Variants in UBE2V1 observed in about 807,000 individuals in gnomAD.
The protein encoded by UBE2V1 is ubiquitin-conjugating enzyme E2 variant 1.
In UBE2V1, 15 loss-of-function variants were observed where a neutral mutation model predicts 19.6. That is an observed-to-expected ratio of 0.77 (90% CI 0.51 to 1.18). The LOEUF is 1.18. Among genes scored for constraint, UBE2V1 ranks in the 50% most tolerant of loss-of-function variants. UBE2V1 has a pLI of 0.00. For synonymous variants in UBE2V1, 60 were observed against 60.7 expected (o/e 0.99, Z 0.05); for missense variants, 125 against 184.8 (o/e 0.68, Z 1.88).
chr20:50,104,851 C>A (rs1386845363), intron 1 of UBE2V1, among the ~76,000 whole-genome samples: 2 of 151,692 alleles, frequency 1.3e-5, no homozygotes, highest in African/African-American at 4.8e-5. Flanking sequence ...CTCAGCCTCC[C>A]GAGTGGCTGG....
At chr20:50,086,806 G>A (rs1250290630) in intron 2 of UBE2V1, among the ~76,000 whole-genome samples, 1 of 152,206 alleles carries the variant, frequency 6.6e-6, no homozygotes, top group Non-Finnish European at 1.5e-5. Context: ...GGCCGGGTGA[G>A]CTGGCTCACG....
chr20:50,107,639 G>A (rs551075757), intron 1 of UBE2V1, among the ~76,000 whole-genome samples: 155 of 152,120 alleles, frequency 1.0e-3, no homozygotes, highest in Non-Finnish European at 1.9e-3. Flanking sequence ...CTGCCCTATC[G>A]GATACATTGT....
At chr20:50,096,551 A>T in intron 2 of UBE2V1, 121 bp downstream of exon 2, 2 of 1,598,918 alleles carry the variant, frequency 1.3e-6, no homozygotes, top group Non-Finnish European at 1.7e-6. Flanking sequence ...AAAAAAGAAT[A>T]GCCACATTTC....
chr20:50,093,027 T>C (rs1223142738), intron 2 of UBE2V1, among the ~76,000 whole-genome samples: 2 of 152,256 alleles, frequency 1.3e-5, no homozygotes, highest in African/African-American at 2.4e-5. Flanking sequence ...TCTCCTGTTT[T>C]ATAATTTACT....
upstream of UBE2V1, among the ~76,000 whole-genome samples, chr20:50,114,243 C>T (rs1459766807): frequency 3.9e-5 from 6 of 152,268 alleles, no homozygotes; most frequent in East Asian, 1.2e-3. Flanking sequence ...GGCAGAAGGA[C>T]CAGGACTCTA....
Position 50,091,409 on chromosome 20 carries a change from G to GTTT in UBE2V1, c.171+5262_171+5263insAAA, listed in dbSNP as rs1568981475. On this transcript the variant is annotated intron_variant, in intron 2 of 3. Transcript: ENST00000371674. ...TCATTAATCAGTCATATAACTTAAGGCTTTTTTTTTTTTTTTTTTGAGATG... is the reference window on the plus strand; with the variant it reads ...TCATTAATCAGTCATATAACTTAAGGTTTCTTTTTTTTTTTTTTTTTTGAGATG... 9.8e-3 allele frequency among the ~76,000 whole-genome samples: 1,255 copies of GTTT among 128,190 alleles called. 30 individuals are homozygous for GTTT. The highest frequency in any genetic ancestry group is 0.04 in the African/African-American group (1,199 of 29,812). The allele number at this position is 128,190 out of a possible 152,430, so 84.1% of individuals were successfully genotyped here.
chr20:50,115,602 G>C, upstream of UBE2V1: 1 of 1,469,452 alleles, frequency 6.8e-7, no homozygotes, highest in South Asian at 1.3e-5. Context: ...GAGGATAGTA[G>C]TATCAACCTC....
chr20:50,108,910 C>T, intron 1 of UBE2V1: 1 of 984,332 alleles, frequency 1.0e-6, no homozygotes, highest in Non-Finnish European at 1.2e-6. Flanking sequence ...CTTACTAAAG[C>T]CCTTTCTCTC....
At chr20:50,115,789 CAG>C (rs747562274), upstream of UBE2V1, 6 of 452,398 alleles carry the variant, frequency 1.3e-5, no homozygotes, top group Non-Finnish European at 2.2e-5. Context: ...AACTGAGACT[CAG>C]AGCTAACAGG....
At chr20:50,087,304 G>T (rs1283198508) in intron 2 of UBE2V1, among the ~76,000 whole-genome samples, 1 of 150,874 alleles carries the variant, frequency 6.6e-6, no homozygotes, top group Non-Finnish European at 1.5e-5. Context: ...GCTGAGACAG[G>T]TGAACTGCTT....
At chr20:50,109,115 T>C in intron 1 of UBE2V1, 2 of 985,424 alleles carry the variant, frequency 2.0e-6, no homozygotes, top group South Asian at 4.7e-5. Context: ...GACCAGGCTG[T>C]GGAGAGTTAG....
At position 50,082,517 on chromosome 20, in the gene UBE2V1, A is replaced by G. The variant is rs2146936578; in HGVS notation, c.*251T>C. 1 of 548,476 alleles carries G rather than the reference A, an allele frequency of 1.8e-6. No individual in the cohort carries two copies. The highest frequency in any genetic ancestry group is 4.0e-5 in the East Asian group (1 of 25,064). 34.0% of individuals were successfully genotyped at this position (548,476 alleles called of 1,614,324 possible). A position where few individuals can be genotyped will look rare whatever the true frequency, so the allele number is the denominator to read the frequency against. Reference sequence around the variant, plus strand: ...AATTTAAATAGACTTTCTTGATCCCAGAAGTTCAACTACGTGGACAGTGGT... The same window carrying G: ...AATTTAAATAGACTTTCTTGATCCCGGAAGTTCAACTACGTGGACAGTGGT... On this transcript the variant is annotated 3_prime_UTR_variant, in exon 4 of 4. Coordinates refer to ENST00000371674, the MANE Select transcript of UBE2V1 (RefSeq NM_001032288.3).
chr20:50,114,733 C>T (rs896548896), upstream of UBE2V1, among the ~76,000 whole-genome samples: 9 of 152,076 alleles, frequency 5.9e-5, no homozygotes, highest in African/African-American at 1.7e-4. Context: ...GTCCTGACTC[C>T]GCACTTGCAC....
intron 1 of UBE2V1, among the ~76,000 whole-genome samples, chr20:50,106,874 C>CAAA (rs57532245): frequency 1.4e-3 from 180 of 124,644 alleles, no homozygotes; most frequent in East Asian, 6.0e-3. Flanking sequence ...ACAACAACAA[C>CAAA]AAAAAAAAAA....
chr20:50,111,600 G>A (rs1046237407), intron 1 of UBE2V1: 2 of 999,598 alleles, frequency 2.0e-6, no homozygotes, highest in African/African-American at 1.7e-5. Flanking sequence ...CATGGTCTCC[G>A]CTATTCTGCA....
At chr20:50,087,083 AAAAAAC>A (rs1448414790) in intron 2 of UBE2V1, among the ~76,000 whole-genome samples, 1 of 142,194 alleles carries the variant, frequency 7.0e-6, no homozygotes, top group Non-Finnish European at 1.6e-5. Flanking sequence ...TCTCAAAAAC[AAAAAAC>A]AAAAAACAAA....
intron 2 of UBE2V1, chr20:50,084,729 A>C: frequency 2.7e-6 from 1 of 368,950 alleles, no homozygotes. Flanking sequence ...GTGCAGACTC[A>C]GAGCTGCTTC....
At chr20:50,104,280 CA>C (rs34011542) in intron 1 of UBE2V1, 82,680 of 798,506 alleles carry the variant, frequency 0.1, no homozygotes, top group Middle Eastern at 0.12. Context: ...GACTCCGTCT[CA>C]AAAAAAAAAA....
chr20:50,097,048 G>C (rs2079669842), intron 1 of UBE2V1, among the ~76,000 whole-genome samples: 2 of 152,326 alleles, frequency 1.3e-5, no homozygotes, highest in South Asian at 4.1e-4. Context: ...ACTAGGGCTA[G>C]ATAACCAAAC....
Sources: gnomAD v4.1 joint callset for allele counts (sites outside exome capture counted in the v4.1 genomes callset) on GRCh38, gnomAD v4.1.1 for gene constraint, MANE v1.5 for transcripts, NCBI Gene and HGNC (gene_info 2026-07-23, HGNC 2026-07-21) for gene names.